Variants in GSDMB observed in about 807,000 individuals in gnomAD.
GSDMB encodes gasdermin B, also known as gasdermin-B.
A neutral mutation model predicts 42.9 loss-of-function variants in GSDMB; 32 were observed. The observed-to-expected ratio is 0.75, with a 90% CI of 0.56 to 1.00. The LOEUF (loss-of-function observed/expected upper bound fraction) is 1.00. Ranked by LOEUF, GSDMB falls within the 50% of genes least tolerant of loss-of-function variation. The pLI is 0.00. For missense variants in GSDMB, 468 were observed against 498.5 expected, an observed-to-expected ratio of 0.94 and a Z score of 0.58; for synonymous variants, 175 against 193.7, an observed-to-expected ratio of 0.90 and a Z score of 0.80.
chr17:39,914,030 A>C (rs919341511), intron 2 of GSDMB, among the ~76,000 whole-genome samples: 1 of 152,202 alleles, frequency 6.6e-6, no homozygotes, highest in African/African-American at 2.4e-5. Flanking sequence ...GAAAAATATC[A>C]GAGAGAAAAA....
chr17:39,907,321 G>T, intron 6 of GSDMB: 1 of 443,006 alleles, frequency 2.3e-6, no homozygotes, highest in Non-Finnish European at 3.1e-6. Flanking sequence ...GTACAACCCT[G>T]CTGGGATCAA....
chr17:39,904,807 T>C lies in GSDMB; in HGVS notation c.*5A>G. Reference sequence around the variant, plus strand: ...GAGGCTTGTGGGGAGAAAGGGCTTTTGTAGTTAGGAAGAGACAGAGGTAGG... The same window carrying C: ...GAGGCTTGTGGGGAGAAAGGGCTTTCGTAGTTAGGAAGAGACAGAGGTAGG... On this transcript the variant is annotated 3_prime_UTR_variant, in exon 11 of 11. Coordinates refer to ENST00000418519, the MANE Select transcript of GSDMB (RefSeq NM_001165958.2). 6 of 1,613,490 alleles carry C rather than the reference T, an allele frequency of 3.7e-6. No individual in the cohort carries two copies. Among genetic ancestry groups the C allele is most frequent in the Non-Finnish European group, 5.1e-6 (6 of 1,179,584 alleles).
intron 1 of GSDMB, chr17:39,917,788 G>A (rs1049829181): frequency 3.2e-5 from 6 of 186,222 alleles, no homozygotes; most frequent in Admixed American, 1.6e-4. Flanking sequence ...TATAAAGCCC[G>A]TTTCGTGGAC....
At chr17:39,917,470 C>T in intron 1 of GSDMB, 140 bp from the exon 2 acceptor site, 1 of 620,020 alleles carries the variant, frequency 1.6e-6, no homozygotes, top group South Asian at 1.9e-5. Flanking sequence ...TGCATGTATA[C>T]ATCCAGATGG....
chr17:39,905,794 G>C, intron 9 of GSDMB, 53 bp downstream of exon 9: 1 of 1,588,860 alleles, frequency 6.3e-7, no homozygotes, highest in Non-Finnish European at 8.6e-7. Context: ...CTCCCCACAG[G>C]CCTCTCTGCT....
chr17:39,917,735 C>G (rs1293576807), intron 1 of GSDMB: 1 of 205,310 alleles, frequency 4.9e-6, no homozygotes, highest in African/African-American at 2.3e-5. Flanking sequence ...TTTGCTGACC[C>G]CTTTTTTGGA....
intron 7 of GSDMB, 175 bp downstream of exon 7, chr17:39,906,786 C>T (rs960177878): frequency 2.8e-6 from 4 of 1,428,634 alleles, no homozygotes; most frequent in Non-Finnish European, 3.7e-6. Context: ...CCAATGAGAA[C>T]CACTGTGTTT....
chr17:39,911,817 G>A (rs1271593567), intron 3 of GSDMB, among the ~76,000 whole-genome samples: 6 of 152,176 alleles, frequency 3.9e-5, no homozygotes, highest in Non-Finnish European at 8.8e-5. Flanking sequence ...CAGTGCAGGA[G>A]AGCAGAGGAG....
intron 1 of GSDMB, chr17:39,917,794 T>G (rs1365846582): frequency 5.3e-5 from 10 of 188,060 alleles, no homozygotes; most frequent in Non-Finnish European, 1.1e-4. Context: ...GCCCGTTTCG[T>G]GGACTCTCTT....
rs140915129 is a variant in GSDMB at position 39,908,422 on chromosome 17, T to C, written c.662-208A>G. Among the ~76,000 whole-genome samples, 119 of 152,140 alleles carry C rather than the reference T, an allele frequency of 7.8e-4. 1 individual carries two copies. The East Asian group carries it at 0.021, about 27-fold the overall frequency. ...GAGATGGAGTTTTGCTCTTGTTGCC[T>C]AGGCTGGAGTGCAATGGTGAGATCT... On this transcript the variant is annotated intron_variant, in intron 5 of 10. Coordinates refer to ENST00000418519, the MANE Select transcript of GSDMB (RefSeq NM_001165958.2).
At position 39,917,173 on chromosome 17, in the gene GSDMB, T is replaced by A; in HGVS notation, c.144A>T (p.Gly48=). The change falls in exon 2 of 11, where the codon GGA becomes GGT. Residue 48 remains glycine (G), a synonymous_variant. Transcript: ENST00000418519. The stretch of plus-strand genomic sequence containing the variant: ...TGAGGCCTGTTGTGTAGTGCCGGCA[T>A]CCAAAGAAAGTTCTCTTCTCCCCCA... The part of the protein sequence containing the change: ...HLVGEKRTFF[G]CRHYTTGLTL... 3 of 1,614,108 alleles carry A rather than the reference T, an allele frequency of 1.9e-6. No individual in the cohort carries two copies. Among genetic ancestry groups the A allele is most frequent in the Non-Finnish European group, 2.5e-6 (3 of 1,180,012 alleles).
chr17:39,917,239 T>C lies in GSDMB; in HGVS notation c.78A>G (p.Arg26=). ...MDAGGDMIAV[R]SLVDADRFRC... ...GGAATCTATCAGCATCAACAAGGCT[T>C]CTAACGGCAATCATATCCCCTCCAG... The change falls in exon 2 of 11, where the codon AGA becomes AGG. Residue 26 remains arginine, a synonymous_variant. Transcript: ENST00000418519. 1.2e-6 allele frequency: 2 copies of C among 1,614,088 alleles called. No homozygotes were observed. Among genetic ancestry groups the C allele is most frequent in the Non-Finnish European group, 1.7e-6 (2 of 1,179,928 alleles).
chr17:39,910,388 G>A (rs957927540), intron 3 of GSDMB, among the ~76,000 whole-genome samples: 5 of 152,152 alleles, frequency 3.3e-5, no homozygotes, highest in Admixed American at 6.5e-5. Flanking sequence ...ATTACAATGT[G>A]CCAGCTGTGA....
In GSDMB at chr17:39,912,437, C is replaced by T; in HGVS notation, c.296G>A (p.Arg99Lys). The part of the protein sequence containing the change: ...NVDSTGELIV[R>K]LPKEITISGS... The stretch of plus-strand genomic sequence containing the variant: ...TGAAATTGTTATTTCTTTGGGTAAT[C>T]TCACTATCAACTCTCCCGTTGAGTC... Residue 99 changes from arginine to lysine, a missense_variant, in exon 3 of 11, where the codon AGA (arginine) becomes AAA (lysine). Arg to Lys is a conservative substitution (Grantham distance 26). Coordinates refer to ENST00000418519, the MANE Select transcript of GSDMB (RefSeq NM_001165958.2). The T allele has an allele frequency of 6.2e-7, 1 of 1,611,864 alleles. No homozygotes were observed. Among genetic ancestry groups the T allele is most frequent in the Non-Finnish European group, 8.5e-7 (1 of 1,177,936 alleles).
At chr17:39,916,296 T>TC (rs1252013745) in intron 2 of GSDMB, among the ~76,000 whole-genome samples, 199 of 150,404 alleles carry the variant, frequency 1.3e-3, no homozygotes, top group African/African-American at 4.6e-3. Flanking sequence ...TTTTTTTTTT[T>TC]TTTTGAGACA....
chr17:39,909,537 A>C, intron 4 of GSDMB: 1 of 527,038 alleles, frequency 1.9e-6, no homozygotes. Flanking sequence ...CTCTATTTAA[A>C]AAAGAAAGAA....
chr17:39,906,471 A>G, intron 7 of GSDMB, 200 bp from the exon 8 acceptor site: 1 of 1,044,640 alleles, frequency 9.6e-7, no homozygotes, highest in Non-Finnish European at 1.3e-6. Flanking sequence ...TCCATCTTCC[A>G]TCTCCCCAGC....
At chr17:39,909,087 A>G in intron 4 of GSDMB, 45 bp from the exon 5 acceptor site, 3 of 1,122,260 alleles carry the variant, frequency 2.7e-6, no homozygotes, top group East Asian at 2.6e-5. Flanking sequence ...GTGTTTCTAC[A>G]TCATTATCTT....
intron 9 of GSDMB, 115 bp downstream of exon 9, chr17:39,905,732 G>GC: frequency 3.4e-6 from 4 of 1,184,582 alleles, no homozygotes; most frequent in Non-Finnish European, 4.9e-6. Context: ...ATGAAGGAGT[G>GC]CCCCCCATAA....
Sources: gnomAD v4.1 joint callset for allele counts (sites outside exome capture counted in the v4.1 genomes callset) on GRCh38, gnomAD v4.1.1 for gene constraint, MANE v1.5 for transcripts, NCBI Gene and HGNC (gene_info 2026-07-23, HGNC 2026-07-21) for gene names.